PCDHGA5: variants seen among roughly 807,000 people sequenced by gnomAD.
The protein encoded by PCDHGA5 is protocadherin gamma-A5.
In PCDHGA5, 36 loss-of-function variants were observed where a neutral mutation model predicts 56.7. The observed-to-expected ratio is 0.64, with a 90% CI of 0.49 to 0.84. PCDHGA5 has a LOEUF of 0.84. Among genes scored for constraint, PCDHGA5 ranks in the 40% least tolerant of loss-of-function variants. The pLI, the probability that PCDHGA5 is intolerant of heterozygous loss-of-function variation, is 0.00. For missense variants in PCDHGA5, 1,305 were observed against 1,201.5 expected (o/e 1.09, Z -1.27); for synonymous variants, 563 against 520.2 (o/e 1.08, Z -1.12).
At chr5:141,441,757 G>A (rs1423867327) in intron 1 of PCDHGA5, 2 of 381,638 alleles carry the variant, frequency 5.2e-6, no homozygotes, top group Middle Eastern at 6.5e-4. Context: ...GTCAACGTGA[G>A]CCTGCGCGTG....
intron 1 of PCDHGA5, among the ~76,000 whole-genome samples, chr5:141,380,866 A>G (rs945856253): frequency 3.3e-5 from 5 of 152,264 alleles, no homozygotes; most frequent in Admixed American, 3.3e-4. Context: ...GAGAGCTATA[A>G]CCTCCAAACA....
Position 141,384,229 on chromosome 5 carries a change from G to A in PCDHGA5, c.2421+17478G>A, listed in dbSNP as rs571021830. The A allele has an allele frequency of 3.1e-6, 5 of 1,613,904 alleles. No individual in the cohort carries two copies. In the South Asian group the frequency reaches 5.5e-5, roughly 18 times the overall value. On this transcript the variant is annotated intron_variant, in intron 1 of 3. Transcript: ENST00000518069. The stretch of plus-strand genomic sequence containing the variant: ...AACTCACATATTCATGCAGGTGGCA[G>A]ACACCAACGATAACCCACCCACCTT...
intron 1 of PCDHGA5, among the ~76,000 whole-genome samples, chr5:141,438,325 A>C (rs1400796518): frequency 6.6e-6 from 1 of 151,948 alleles, no homozygotes; most frequent in African/African-American, 2.4e-5. Context: ...AATTTTTCTT[A>C]TACATGTCAT....
intron 1 of PCDHGA5, chr5:141,403,562 G>A (rs2094421705): frequency 6.2e-7 from 1 of 1,613,980 alleles, no homozygotes; most frequent in Non-Finnish European, 8.5e-7. Context: ...GGACAGGGAG[G>A]AGGCAACTGC....
In PCDHGA5 at chr5:141,364,639, G is replaced by A; in HGVS notation, c.309G>A (p.Val103=). 1 of 1,614,116 alleles carries A rather than the reference G, an allele frequency of 6.2e-7. No homozygotes were observed. ...TCTGCGCTCAGAGCCCACTGTGTGTGGTGAACTTTAACATCTTGGTTGAGA... is the reference window on the plus strand; with the variant it reads ...TCTGCGCTCAGAGCCCACTGTGTGTAGTGAACTTTAACATCTTGGTTGAGA... ...EELCAQSPLC[V]VNFNILVENK... is the part of the protein sequence containing the mutation. The change falls in exon 1 of 4, where the codon GTG becomes GTA. Residue 103 remains valine (V), a synonymous_variant. Transcript: ENST00000518069.
chr5:141,419,311 C>T (rs745852942), intron 1 of PCDHGA5: 4 of 1,613,876 alleles, frequency 2.5e-6, no homozygotes, highest in East Asian at 4.5e-5. Context: ...TCGGGCTCAA[C>T]GGCCGTGTCT....
In PCDHGA5 at chr5:141,485,669, T is replaced by G. The variant is rs754363407; in HGVS notation, c.2422-9138T>G. ...TCAGGATGCAGATGTGGGGAGCAATTCGATTAGCAGCTATAGGCTGAGCTC... is the reference window on the plus strand; with the variant it reads ...TCAGGATGCAGATGTGGGGAGCAATGCGATTAGCAGCTATAGGCTGAGCTC... On this transcript the variant is annotated intron_variant, in intron 1 of 3. Transcript: ENST00000518069. The surrounding 1 kb of genome is among the most constrained non-coding windows in gnomAD (Gnocchi z 5.7). 1.9e-6 allele frequency: 3 copies of G among 1,612,788 alleles called. 1 individual carries two copies. Among genetic ancestry groups the G allele is most frequent in the Admixed American group, 1.7e-5 (1 of 59,980 alleles).
Position 141,389,309 on chromosome 5 carries a change from T to G in PCDHGA5, c.2421+22558T>G, listed in dbSNP as rs763262842. Reference sequence around the variant, plus strand: ...CCTCTATTTCACAAGTCAGGGCTTCTGATCCGGACTTGGGGCCCAACGGCC... The same window carrying G: ...CCTCTATTTCACAAGTCAGGGCTTCGGATCCGGACTTGGGGCCCAACGGCC... On this transcript the variant is annotated intron_variant, in intron 1 of 3. Transcript: ENST00000518069. 8 of 1,614,018 alleles carry G rather than the reference T, an allele frequency of 5.0e-6. No individual in the cohort carries two copies. The South Asian group carries it at 5.5e-5, about 11-fold the overall frequency.
Position 141,491,793 on chromosome 5 carries a change from C to A in PCDHGA5, c.2422-3014C>A. 6.6e-7 allele frequency: 1 copy of A among 1,511,410 alleles called. No homozygotes were observed. The highest frequency in any genetic ancestry group is 1.3e-5 in the South Asian group (1 of 77,572). The allele number at this position is 1,511,410 out of a possible 1,614,324, so 93.6% of individuals were successfully genotyped here. On this transcript the variant is annotated intron_variant, in intron 1 of 3. Coordinates refer to ENST00000518069, the MANE Select transcript of PCDHGA5 (RefSeq NM_018918.3). This position sits in a 1 kb window ranked among gnomAD's most constrained non-coding sequence, Gnocchi z 6.9. ...AGGGATTGAACTTGCATCCACTCCT[C>A]TCCGGCCGGCTTGGTCGCTGGCTGC...
rs756134036 is a variant in PCDHGA5 at position 141,374,596 on chromosome 5, G to GC, written c.2421+7846dup. On this transcript the variant is annotated intron_variant, in intron 1 of 3. Transcript: ENST00000518069. ...GAATGAACTCCCTTCAGGGATTTAA[G>GC]CTCAGTGGTAATAGTCACTTCTCAG... The GC allele has an allele frequency of 1.9e-6, 3 of 1,613,578 alleles. No homozygotes were observed. The African/African-American group carries it at 4.0e-5, about 22-fold the overall frequency.
chr5:141,370,453 T>A lies in PCDHGA5; in HGVS notation c.2421+3702T>A, dbSNP rs6860590. ...GGGCAGAGGCGAATGCTATTTCTCT[T>A]CCTGCTCTCTTTGTTAGACCAGGCT... On this transcript the variant is annotated intron_variant, in intron 1 of 3. Transcript: ENST00000518069. 2,396 of 1,611,648 alleles carry A rather than the reference T, an allele frequency of 1.5e-3. 32 individuals are homozygous for A. In the African/African-American group the frequency reaches 0.028, roughly 19 times the overall value.
At chr5:141,474,332 G>A (rs1427828070) in intron 1 of PCDHGA5, among the ~76,000 whole-genome samples, 1 of 152,168 alleles carries the variant, frequency 6.6e-6, no homozygotes, top group Non-Finnish European at 1.5e-5. Flanking sequence ...TCACCCTGAT[G>A]TTTTGTTAAA....
intron 1 of PCDHGA5, chr5:141,422,123 C>A: frequency 6.2e-7 from 1 of 1,601,290 alleles, no homozygotes; most frequent in South Asian, 1.1e-5. Context: ...GATTCACAAA[C>A]TGGAGAAGTT....
At chr5:141,475,684 T>C (rs2099367059) in intron 1 of PCDHGA5, among the ~76,000 whole-genome samples, 1 of 152,228 alleles carries the variant, frequency 6.6e-6, no homozygotes, top group African/African-American at 2.4e-5. Context: ...TTGATTTGGA[T>C]TGGAGACTTG....
Position 141,494,864 on chromosome 5 carries a change from G to T in PCDHGA5, c.2479G>T (p.Gly827Cys), listed in dbSNP as rs773899530. 12 of 1,613,950 alleles carry T rather than the reference G, an allele frequency of 7.4e-6. No individual in the cohort carries two copies. Among genetic ancestry groups the T allele is most frequent in the South Asian group, 1.1e-5 (1 of 91,080 alleles). ...TCAGGCCCAGAGACCCGGCACCAGC[G>T]GGTAGGTGACTGATTCTCCAGCCCA... Reference protein sequence around the residue: ...FSQAQRPGTSGSQNGDDTGTW... With the variant: ...FSQAQRPGTSCSQNGDDTGTW... Residue 827 changes from glycine to cysteine, a missense_variant and splice_region_variant, in exon 2 of 4, where the codon GGC becomes TGC. Physicochemically the swap from Gly to Cys is radical, Grantham distance 159 (BLOSUM62 -3). Coordinates refer to ENST00000518069, the MANE Select transcript of PCDHGA5 (RefSeq NM_018918.3).
intron 1 of PCDHGA5, chr5:141,388,986 A>G (rs756279125): frequency 2.5e-6 from 4 of 1,613,952 alleles, no homozygotes; most frequent in Non-Finnish European, 3.4e-6. Flanking sequence ...TGCTTTGCTC[A>G]AAGTCCGTGA....
intron 1 of PCDHGA5, chr5:141,403,769 A>G (rs2094453064): frequency 6.2e-7 from 1 of 1,613,948 alleles, no homozygotes; most frequent in Non-Finnish European, 8.5e-7. Context: ...GGATGAGGGA[A>G]TCAACGGAAA....
In PCDHGA5 at chr5:141,511,286, G is replaced by A. The variant is rs1231704933; in HGVS notation, c.*113G>A. On this transcript the variant is annotated 3_prime_UTR_variant, in exon 4 of 4. Coordinates refer to ENST00000518069, the MANE Select transcript of PCDHGA5 (RefSeq NM_018918.3). The stretch of plus-strand genomic sequence containing the variant: ...GGCTAACCCCCAGAATACTGGTAGG[G>A]GCCAAGGCCATGCTCCCCTTGGGAA... 2 of 1,520,242 alleles carry A rather than the reference G, an allele frequency of 1.3e-6. No individual in the cohort carries two copies. The allele number at this position is 1,520,242 out of a possible 1,614,324, so 94.2% of individuals were successfully genotyped here.
In PCDHGA5 at chr5:141,485,629, C is replaced by G. The variant is rs1028146827; in HGVS notation, c.2422-9178C>G. The G allele has an allele frequency of 1.2e-6, 2 of 1,611,902 alleles. No individual in the cohort carries two copies. The highest frequency in any genetic ancestry group is 3.3e-5 in the Admixed American group (2 of 59,922). On this transcript the variant is annotated intron_variant, in intron 1 of 3. Coordinates refer to ENST00000518069, the MANE Select transcript of PCDHGA5 (RefSeq NM_018918.3). This position sits in a 1 kb window ranked among gnomAD's most constrained non-coding sequence, Gnocchi z 5.7. ...AGGCAGCTCCTCCAGGACAGCGTTTCCCGTTGGAAAAGGCTCAGGATGCAG... is the reference window on the plus strand; with the variant it reads ...AGGCAGCTCCTCCAGGACAGCGTTTGCCGTTGGAAAAGGCTCAGGATGCAG...
Sources: gnomAD v4.1 joint callset for allele counts (sites outside exome capture counted in the v4.1 genomes callset) on GRCh38, gnomAD v4.1.1 for gene constraint, Gnocchi (gnomAD v3.1) non-coding constraint, MANE v1.5 for transcripts, NCBI Gene and HGNC (gene_info 2026-07-23, HGNC 2026-07-21) for gene names.